RIC8B: variants seen among roughly 807,000 people sequenced by gnomAD.
RIC8B encodes RIC8 guanine nucleotide exchange factor B, also known as chaperone Ric-8B.
In RIC8B, 16 loss-of-function variants were observed where a neutral mutation model predicts 57.5. That is an observed-to-expected ratio of 0.28 (90% CI 0.19 to 0.42). The LOEUF is 0.42. RIC8B is among the 10% of genes least tolerant of loss of function. The probability of loss-of-function intolerance (pLI) is 1.00; values close to 1 mark genes in which losing one functional copy is unlikely to be tolerated. For synonymous variants in RIC8B, 216 were observed against 250.8 expected (o/e 0.86, Z 1.31); for missense variants, 481 against 677.0 (o/e 0.71, Z 3.21).
At chr12:106,859,715 T>C (rs1320414721) in intron 7 of RIC8B, among the ~76,000 whole-genome samples, 2 of 152,154 alleles carry the variant, frequency 1.3e-5, no homozygotes, top group African/African-American at 2.4e-5. Context: ...CGTAATGGGC[T>C]TCATGTGCTT....
intron 4 of RIC8B, among the ~76,000 whole-genome samples, chr12:106,827,658 A>G (rs2136339874): frequency 6.6e-6 from 1 of 152,314 alleles, no homozygotes; most frequent in South Asian, 2.1e-4. Flanking sequence ...TACAAATCAA[A>G]CATTCCTTTA....
At chr12:106,814,501 A>G (rs578208118) in intron 2 of RIC8B, among the ~76,000 whole-genome samples, 195 bp from the exon 3 acceptor site, 9 of 152,348 alleles carry the variant, frequency 5.9e-5, no homozygotes, top group South Asian at 2.1e-4. Flanking sequence ...GGGAACAGCT[A>G]TGATTCAAAC....
chr12:106,863,319 C>A (rs1320078453), intron 8 of RIC8B, among the ~76,000 whole-genome samples: 1 of 152,058 alleles, frequency 6.6e-6, no homozygotes, highest in Non-Finnish European at 1.5e-5. Flanking sequence ...ACTTAACACA[C>A]CACACCAGTT....
intron 3 of RIC8B, among the ~76,000 whole-genome samples, chr12:106,822,003 G>A (rs1287950220): frequency 2.0e-5 from 3 of 149,140 alleles, no homozygotes; most frequent in Admixed American, 1.3e-4. Flanking sequence ...GCGTGAATCC[G>A]GGAGGCGGAG....
chr12:106,876,014 T>C (rs1226298581), intron 9 of RIC8B, among the ~76,000 whole-genome samples: 1 of 152,180 alleles, frequency 6.6e-6, no homozygotes, highest in African/African-American at 2.4e-5. Flanking sequence ...TATACCTACC[T>C]TTGTGATAAG....
At position 106,796,215 on chromosome 12, in the gene RIC8B, C is replaced by T. The variant is rs760904808; in HGVS notation, c.132+12171C>T. On this transcript the variant is annotated intron_variant, in intron 2 of 9. Coordinates refer to ENST00000392837, the MANE Select transcript of RIC8B (RefSeq NM_001330145.2). ...AAACAACCTTGAAAGGAAGAACAAA[C>T]TCAGAGGATTCACAATTCCTTATTT... 2.0e-5 allele frequency among the ~76,000 whole-genome samples: 3 copies of T among 152,058 alleles called. No individual in the cohort carries two copies. The East Asian group carries it at 5.8e-4, about 29-fold the overall frequency.
rs1472944979 is a variant in RIC8B at position 106,887,417 on chromosome 12, A to G, written c.*1402A>G. 1 of 152,312 alleles carries G rather than the reference A, an allele frequency of 6.6e-6. No individual in the cohort carries two copies. Among genetic ancestry groups the G allele is most frequent in the African/African-American group, 2.4e-5 (1 of 41,416 alleles). The allele number at this position is 152,312 out of a possible 1,614,324, so 9.4% of individuals were successfully genotyped here. A position where few individuals can be genotyped will look rare whatever the true frequency, so the allele number is the denominator to read the frequency against. ...GCCTTTTTAAGGACAGGTAGAGTAC[A>G]TGGAGGGTTACTGAAAAGGTCATTT... On this transcript the variant is annotated 3_prime_UTR_variant, in exon 10 of 10. Transcript: ENST00000392837.
At position 106,803,214 on chromosome 12, in the gene RIC8B, T is replaced by TAAAA. The variant is rs758690591; in HGVS notation, c.133-11482_133-11481insAAAA. Among the ~76,000 whole-genome samples the TAAAA allele has an allele frequency of 8.5e-3, 712 of 84,212 alleles. 50 individuals are homozygous for TAAAA. Among genetic ancestry groups the TAAAA allele is most frequent in the Admixed American group, 0.011 (70 of 6,382 alleles). 55.2% of individuals were successfully genotyped at this position (84,212 alleles called of 152,430 possible). A position where few individuals can be genotyped will look rare whatever the true frequency, so the allele number is the denominator to read the frequency against. ...GTGACAAGAGTGATGATACCCTGTCTCAAAAAAAAAAAAAAAAAAAAAAAG... is the reference window on the plus strand; with the variant it reads ...GTGACAAGAGTGATGATACCCTGTCTAAAACAAAAAAAAAAAAAAAAAAAAAAAG... On this transcript the variant is annotated intron_variant, in intron 2 of 9. Coordinates refer to ENST00000392837, the MANE Select transcript of RIC8B (RefSeq NM_001330145.2).
At chr12:106,789,869 C>T (rs879799097) in intron 2 of RIC8B, among the ~76,000 whole-genome samples, 3 of 151,764 alleles carry the variant, frequency 2.0e-5, no homozygotes, top group Non-Finnish European at 2.9e-5. Flanking sequence ...AACACTAACC[C>T]CTCTTATATG....
chr12:106,827,068 C>G (rs535167779), intron 4 of RIC8B, among the ~76,000 whole-genome samples: 1 of 152,202 alleles, frequency 6.6e-6, no homozygotes, highest in Non-Finnish European at 1.5e-5. Context: ...AAGCGAGACC[C>G]TGTCTCAAAT....
intron 7 of RIC8B, among the ~76,000 whole-genome samples, chr12:106,853,999 T>G (rs1420879784): frequency 6.6e-6 from 1 of 152,144 alleles, no homozygotes; most frequent in Non-Finnish European, 1.5e-5. Context: ...GGACTAGATG[T>G]AAGATGAACA....
At chr12:106,836,240 G>T (rs573605580) in intron 4 of RIC8B, among the ~76,000 whole-genome samples, 1 of 152,276 alleles carries the variant, frequency 6.6e-6, no homozygotes, top group African/African-American at 2.4e-5. Context: ...GAGTGCTCCA[G>T]TCTCAGCTTT....
chr12:106,834,889 C>T (rs1214598931), intron 4 of RIC8B, among the ~76,000 whole-genome samples: 3 of 141,114 alleles, frequency 2.1e-5, no homozygotes, highest in Admixed American at 7.9e-5. Flanking sequence ...GAGGCTGAGG[C>T]AGGAGAATGG....
intron 2 of RIC8B, among the ~76,000 whole-genome samples, chr12:106,791,138 G>A (rs368149384): frequency 3.3e-5 from 5 of 152,142 alleles, no homozygotes; most frequent in Non-Finnish European, 7.4e-5. Flanking sequence ...CACAGCTCAT[G>A]TTGTTCACTG....
intron 7 of RIC8B, among the ~76,000 whole-genome samples, chr12:106,852,958 T>A (rs56366123): frequency 0.066 from 10,127 of 152,320 alleles, 527 homozygotes; most frequent in African/African-American, 0.13. Context: ...TTATACATGC[T>A]TATGCATAAA....
At chr12:106,802,166 T>C (rs540214693) in intron 2 of RIC8B, among the ~76,000 whole-genome samples, 5 of 152,362 alleles carry the variant, frequency 3.3e-5, no homozygotes, top group South Asian at 2.1e-4. Flanking sequence ...ATGTAAGTTA[T>C]GTATTGTGAT....
At chr12:106,784,110 C>T in intron 2 of RIC8B, 66 bp downstream of exon 2, 2 of 1,406,946 alleles carry the variant, frequency 1.4e-6, no homozygotes, top group South Asian at 1.2e-5. Context: ...ACTTTCTAAG[C>T]AGTGGTCATG....
intron 2 of RIC8B, 106 bp downstream of exon 2, chr12:106,784,150 T>A (rs901815029): frequency 9.2e-7 from 1 of 1,091,836 alleles, no homozygotes; most frequent in African/African-American, 1.6e-5. Context: ...GATTGGTTTC[T>A]TGTTTCCCTT....
At chr12:106,785,811 CTCTGTGTGTGTGTG>C (rs1173894584) in intron 2 of RIC8B, among the ~76,000 whole-genome samples, 60 of 122,220 alleles carry the variant, frequency 4.9e-4, no homozygotes, top group South Asian at 8.5e-4. Context: ...CTCTCTCTCT[CTCTGTGTGTGTGTG>C]TGTGTGTGTG....
Sources: gnomAD v4.1 joint callset for allele counts (sites outside exome capture counted in the v4.1 genomes callset) on GRCh38, gnomAD v4.1.1 for gene constraint, MANE v1.5 for transcripts, NCBI Gene and HGNC (gene_info 2026-07-23, HGNC 2026-07-21) for gene names.